Variants in ZNHIT3 observed in about 807,000 individuals in gnomAD.
ZNHIT3 encodes the protein zinc finger HIT-type containing 3, also known as zinc finger HIT domain-containing protein 3.
Under a neutral mutation model 19.9 loss-of-function variants are expected in ZNHIT3, and 27 were observed. The ratio of observed to expected loss-of-function variants is 1.36; its 90% confidence interval spans 1.00 to 1.87. The LOEUF (loss-of-function observed/expected upper bound fraction) is 1.87. Ranked by LOEUF, ZNHIT3 falls within the 40% of genes most tolerant of loss-of-function variation. The probability of loss-of-function intolerance (pLI) is 0.00; values close to 1 mark genes in which losing one functional copy is unlikely to be tolerated. For missense variants in ZNHIT3, 215 were observed against 185.6 expected (o/e 1.16, Z -0.92); for synonymous variants, 81 against 65.7 (o/e 1.23, Z -1.13).
intron 4 of ZNHIT3, 98 bp from the exon 5 acceptor site, chr17:36,495,125 G>C (rs764293950): frequency 1.9e-4 from 274 of 1,434,762 alleles, no homozygotes; most frequent in Non-Finnish European, 2.5e-4. Flanking sequence ...ACACCTTGCT[G>C]ATAGTTTTAT....
chr17:36,489,604 G>A (rs1393469423), intron 2 of ZNHIT3: 4 of 151,108 alleles, frequency 2.6e-5, no homozygotes, highest in African/African-American at 7.3e-5. Context: ...TTTGAGAAGT[G>A]TCTGTTTGGC....
At chr17:36,488,429 C>T (rs1034040244) in intron 2 of ZNHIT3, among the ~76,000 whole-genome samples, 1 of 152,002 alleles carries the variant, frequency 6.6e-6, no homozygotes, top group African/African-American at 2.4e-5. Flanking sequence ...CCTGTAATCC[C>T]AGCTACTTAG....
chr17:36,492,783 A>G, intron 2 of ZNHIT3, 30 bp from the exon 3 acceptor site: 1 of 1,604,164 alleles, frequency 6.2e-7, no homozygotes, highest in African/African-American at 1.3e-5. Context: ...AATGGAGGTA[A>G]TGTGGGCCTG....
At chr17:36,490,084 G>C (rs2070693890) in intron 2 of ZNHIT3, 1 of 151,704 alleles carries the variant, frequency 6.6e-6, no homozygotes, top group Admixed American at 6.6e-5. Flanking sequence ...AAGCTTTTTT[G>C]TGTAATAGAA....
intron 2 of ZNHIT3, chr17:36,489,625 A>G (rs1278859873): frequency 7.2e-6 from 1 of 139,644 alleles, no homozygotes; most frequent in African/African-American, 2.6e-5. Context: ...TCATTTGCCC[A>G]TTTTTTTTTT....
At chr17:36,487,285 T>C (rs1228559169) in intron 2 of ZNHIT3, among the ~76,000 whole-genome samples, 3 of 152,240 alleles carry the variant, frequency 2.0e-5, no homozygotes, top group African/African-American at 7.2e-5. Context: ...AGGTCTACCC[T>C]AGCAGTTTCT....
chr17:36,488,514 C>T (rs1328839173), intron 2 of ZNHIT3, among the ~76,000 whole-genome samples: 6 of 152,022 alleles, frequency 3.9e-5, no homozygotes, highest in Admixed American at 3.9e-4. Flanking sequence ...CACTGCACTC[C>T]AGCCTGGGCA....
chr17:36,491,535 G>A (rs964014955), intron 2 of ZNHIT3: 11 of 152,158 alleles, frequency 7.2e-5, no homozygotes, highest in African/African-American at 2.7e-4. Context: ...TTGGACTCCT[G>A]GGCTTAAGCA....
At chr17:36,493,284 A>G (rs985859577) in intron 3 of ZNHIT3, 12 of 248,878 alleles carry the variant, frequency 4.8e-5, no homozygotes, top group Non-Finnish European at 9.3e-5. Context: ...GTCCTAGATC[A>G]TCTCGCTGCT....
Position 36,494,146 on chromosome 17 carries a change from T to TA in ZNHIT3, c.286+141dup, listed in dbSNP as rs757670724. Reference sequence around the variant, plus strand: ...TATCTAGCCACATAATCTGTAAACATACAGGGTTTCACACCTCCCAGCCTG... The same window carrying TA: ...TATCTAGCCACATAATCTGTAAACATAACAGGGTTTCACACCTCCCAGCCTG... On this transcript the variant is annotated intron_variant, in intron 4 of 4. Transcript: ENST00000617429. 274 of 643,814 alleles carry TA rather than the reference T, an allele frequency of 4.3e-4. 1 individual carries two copies. The highest frequency in any genetic ancestry group is 6.7e-4 in the Non-Finnish European group (249 of 374,344). 39.9% of individuals were successfully genotyped at this position (643,814 alleles called of 1,614,324 possible).
At chr17:36,492,252 A>C (rs539250615) in intron 2 of ZNHIT3, 2 of 153,860 alleles carry the variant, frequency 1.3e-5, no homozygotes, top group Admixed American at 1.3e-4. Context: ...GGCTTAAGGG[A>C]TCCTCCTGCC....
chr17:36,492,724 C>A, intron 2 of ZNHIT3, 89 bp from the exon 3 acceptor site: 1 of 1,170,058 alleles, frequency 8.5e-7, no homozygotes, highest in Non-Finnish European at 1.3e-6. Context: ...CAGACACTTG[C>A]TTCCTACCTA....
In ZNHIT3 at chr17:36,492,813, A is replaced by C. The variant is rs1426059703; in HGVS notation, c.119A>C (p.Glu40Ala). ...GGCCTGGGATTTGTGTCTTTTTCAG[A>C]ACAGTGCAACCCTGAAACTCGTCCT... ...CSVVCFRKHK[E>A]QCNPETRPVE... The change falls in exon 3 of 5, where the codon GAA (glutamate) becomes GCA (alanine). Residue 40 changes from glutamate (E) to alanine (A), a missense_variant and splice_region_variant. Transcript: ENST00000617429. The C allele has an allele frequency of 6.2e-7, 1 of 1,613,660 alleles. No homozygotes were observed. The highest frequency in any genetic ancestry group is 8.5e-7 in the Non-Finnish European group (1 of 1,179,850).
At chr17:36,487,853 C>T (rs954247947) in intron 2 of ZNHIT3, among the ~76,000 whole-genome samples, 5 of 151,606 alleles carry the variant, frequency 3.3e-5, no homozygotes, top group African/African-American at 4.9e-5. Context: ...CCTGTAATCC[C>T]AGCACTTTGG....
chr17:36,495,483 T>C lies in ZNHIT3; in HGVS notation c.*79T>C. 6.8e-7 allele frequency: 1 copy of C among 1,461,038 alleles called. No homozygotes were observed. Among genetic ancestry groups the C allele is most frequent in the East Asian group, 2.4e-5 (1 of 40,854 alleles). The allele number at this position is 1,461,038 out of a possible 1,614,324, so 90.5% of individuals were successfully genotyped here. A position where few individuals can be genotyped will look rare whatever the true frequency, so the allele number is the denominator to read the frequency against. On this transcript the variant is annotated 3_prime_UTR_variant, in exon 5 of 5. Coordinates refer to ENST00000617429, the MANE Select transcript of ZNHIT3 (RefSeq NM_004773.4). ...TGCTCCCTCTCCCAGACCAGCTAGT[T>C]TGGGGCTGGGGAGCTCAGGCAAAAG...
chr17:36,491,583 A>G (rs1044412975), intron 2 of ZNHIT3: 6 of 152,308 alleles, frequency 3.9e-5, no homozygotes, highest in African/African-American at 1.2e-4. Flanking sequence ...CTGGGATTAC[A>G]GGCAGGAGCC....
At chr17:36,490,932 C>T (rs2070712215) in intron 2 of ZNHIT3, 1 of 152,122 alleles carries the variant, frequency 6.6e-6, no homozygotes, top group Non-Finnish European at 1.5e-5. Flanking sequence ...CCTCCTACCT[C>T]AGCCTCCCAA....
chr17:36,498,664 G>A, downstream of ZNHIT3: 1 of 1,325,514 alleles, frequency 7.5e-7, no homozygotes, highest in South Asian at 1.5e-5. Flanking sequence ...AAGGTGAACT[G>A]AAGGCACCTG....
intron 3 of ZNHIT3, 107 bp from the exon 4 acceptor site, chr17:36,493,819 T>C: frequency 3.9e-6 from 3 of 765,062 alleles, no homozygotes; most frequent in Non-Finnish European, 6.8e-6. Context: ...CCCCTATCAC[T>C]ATCACATGTG....
Sources: gnomAD v4.1 joint callset for allele counts (sites outside exome capture counted in the v4.1 genomes callset) on GRCh38, gnomAD v4.1.1 for gene constraint, MANE v1.5 for transcripts, NCBI Gene and HGNC (gene_info 2026-07-23, HGNC 2026-07-21) for gene names.